Variants in SOX6 observed in about 807,000 individuals in gnomAD.
SOX6 encodes the protein SRY-box transcription factor 6.
In SOX6, 11 loss-of-function variants were observed where a neutral mutation model predicts 97.8. That is an observed-to-expected ratio of 0.11 (90% CI 0.07 to 0.19). The LOEUF (loss-of-function observed/expected upper bound fraction) is 0.19, where lower values mean the gene tolerates loss of function less well. Ranked by LOEUF, SOX6 falls within the 10% of genes least tolerant of loss-of-function variation. The pLI is 1.00. For synonymous variants in SOX6, 360 were observed against 371.4 expected (o/e 0.97, Z 0.35); for missense variants, 810 against 1,039.5 (o/e 0.78, Z 3.04).
chr11:16,296,715 A>G (rs1855102046), intron 3 of SOX6, among the ~76,000 whole-genome samples: 1 of 152,168 alleles, frequency 6.6e-6, no homozygotes, highest in Admixed American at 6.6e-5. Flanking sequence ...TAGAACAGTT[A>G]TCTGGGTGGT....
At chr11:16,541,683 C>T (rs917711418) in intron 4 of SOX6, among the ~76,000 whole-genome samples, 4 of 152,092 alleles carry the variant, frequency 2.6e-5, no homozygotes, top group African/African-American at 9.7e-5. Flanking sequence ...CAAAAGAAGA[C>T]ACTTATGCAG....
At chr11:16,691,143 C>T (rs779586784) in intron 3 of SOX6, among the ~76,000 whole-genome samples, 7 of 152,244 alleles carry the variant, frequency 4.6e-5, no homozygotes, top group Admixed American at 2.0e-4. Context: ...AGTTAGTTGG[C>T]ACAATCCTGA....
intron 6 of SOX6, 50 bp downstream of exon 6, chr11:16,183,836 G>A (rs1445663052): frequency 6.4e-7 from 1 of 1,553,492 alleles, no homozygotes; most frequent in Non-Finnish European, 8.9e-7. Context: ...CCATTTTCAA[G>A]GAGGAAAGTA....
intron 1 of SOX6, among the ~76,000 whole-genome samples, chr11:16,432,984 A>C (rs1859298911): frequency 6.6e-6 from 1 of 152,044 alleles, no homozygotes; most frequent in African/African-American, 2.4e-5. Context: ...ATCTTCTAAT[A>C]TTTAAGGTTT....
intron 9 of SOX6, among the ~76,000 whole-genome samples, chr11:16,092,626 A>C (rs1848716582): frequency 6.6e-6 from 1 of 151,992 alleles, no homozygotes; most frequent in South Asian, 2.1e-4. Flanking sequence ...GCTGTGTGAT[A>C]TCTAACTGCT....
chr11:16,647,920 G>A (rs560932261), intron 3 of SOX6, among the ~76,000 whole-genome samples: 1 of 152,278 alleles, frequency 6.6e-6, no homozygotes, highest in South Asian at 2.1e-4. Flanking sequence ...CTTGGGGAAG[G>A]CAGCCAGTGG....
chr11:16,278,460 T>G (rs1165767640), intron 3 of SOX6, among the ~76,000 whole-genome samples: 1 of 152,092 alleles, frequency 6.6e-6, no homozygotes, highest in Non-Finnish European at 1.5e-5. Context: ...ACACTTCATC[T>G]GATCAAAACT....
At chr11:16,301,936 C>A (rs1855271848) in intron 3 of SOX6, among the ~76,000 whole-genome samples, 1 of 151,948 alleles carries the variant, frequency 6.6e-6, no homozygotes, top group Non-Finnish European at 1.5e-5. Flanking sequence ...ACCTTTTCCC[C>A]AAACCTTCTC....
chr11:16,687,110 A>G (rs1047195326), intron 3 of SOX6, among the ~76,000 whole-genome samples: 3 of 152,210 alleles, frequency 2.0e-5, no homozygotes, highest in African/African-American at 7.2e-5. Context: ...GGACAACAGA[A>G]GAAGACTCTG....
intron 1 of SOX6, among the ~76,000 whole-genome samples, chr11:16,441,643 T>C (rs1048584649): frequency 3.3e-5 from 5 of 152,174 alleles, no homozygotes; most frequent in Admixed American, 6.6e-5. Flanking sequence ...ATGGCAAATA[T>C]TCGAAAATTG....
rs566338056 is a variant in SOX6, at chr11:16,733,053, C to G, written n.353+3286G>C. 2.6e-5 allele frequency among the ~76,000 whole-genome samples: 4 copies of G among 152,256 alleles called. No individual in the cohort carries two copies. The East Asian group carries it at 7.7e-4, about 29-fold the overall frequency. On this transcript the variant is annotated intron_variant and non_coding_transcript_variant, in intron 2 of 5. Coordinates refer to the SOX6 transcript ENST00000524520. ...AATCATCTCACACCAGTTAGAAGGG[C>G]AATCATTAAAAAGTCAAGAAACAAC...
chr11:16,358,399 A>G (rs1857124828), upstream of SOX6, among the ~76,000 whole-genome samples: 1 of 152,162 alleles, frequency 6.6e-6, no homozygotes, highest in South Asian at 2.1e-4. Context: ...ATGAAAGAAC[A>G]AATAGTTCTA....
chr11:16,641,605 A>G (rs1356800013), intron 3 of SOX6, among the ~76,000 whole-genome samples: 2 of 152,188 alleles, frequency 1.3e-5, no homozygotes, highest in Non-Finnish European at 2.9e-5. Flanking sequence ...TTGGGTGCAT[A>G]TATACTTAGG....
chr11:16,466,311 G>C (rs1860030542), intron 1 of SOX6, among the ~76,000 whole-genome samples: 1 of 152,134 alleles, frequency 6.6e-6, no homozygotes, highest in Non-Finnish European at 1.5e-5. Context: ...TATATGCTGA[G>C]AGTGACACAT....
In SOX6 at chr11:16,569,868, CAA is replaced by C. The variant is rs34604334; in HGVS notation, n.609+42211_609+42212del. ...TGGGTGACTGATCAAGACTCCGTCT[CAA>C]AAAAAAAAAAAAAAAGATATACTGT... On this transcript the variant is annotated intron_variant and non_coding_transcript_variant, in intron 4 of 5. Coordinates refer to the SOX6 transcript ENST00000524520. 4.1e-4 allele frequency among the ~76,000 whole-genome samples: 35 copies of C among 84,770 alleles called. 1 individual carries two copies. Among genetic ancestry groups the C allele is most frequent in the South Asian group, 5.5e-4 (1 of 1,808 alleles). The allele number at this position is 84,770 out of a possible 152,430, so 55.6% of individuals were successfully genotyped here. A position where few individuals can be genotyped will look rare whatever the true frequency, so the allele number is the denominator to read the frequency against.
chr11:16,269,436 C>T (rs988070528), intron 3 of SOX6, among the ~76,000 whole-genome samples: 3 of 150,822 alleles, frequency 2.0e-5, no homozygotes, highest in African/African-American at 7.3e-5. Context: ...TTAGTATCAA[C>T]TTGACTAGCC....
At chr11:15,975,979 A>C (rs1017287599) in intron 15 of SOX6, among the ~76,000 whole-genome samples, 2 of 152,216 alleles carry the variant, frequency 1.3e-5, no homozygotes, top group Non-Finnish European at 2.9e-5. Context: ...TTCTAGAGTG[A>C]GAGTGAGATG....
At chr11:16,525,605 T>C (rs955541998) in intron 4 of SOX6, among the ~76,000 whole-genome samples, 3 of 151,322 alleles carry the variant, frequency 2.0e-5, no homozygotes, top group African/African-American at 7.3e-5. Flanking sequence ...CCAAAAGCAA[T>C]GGCAACAAAA....
intron 3 of SOX6, among the ~76,000 whole-genome samples, chr11:16,238,970 A>T (rs1223347286): frequency 6.6e-6 from 1 of 152,142 alleles, no homozygotes; most frequent in South Asian, 2.1e-4. Flanking sequence ...TTTACCCAAG[A>T]ACAATGATAA....
Sources: gnomAD v4.1 joint callset for allele counts (sites outside exome capture counted in the v4.1 genomes callset) on GRCh38, gnomAD v4.1.1 for gene constraint, MANE v1.5 for transcripts, NCBI Gene and HGNC (gene_info 2026-07-23, HGNC 2026-07-21) for gene names.